The following NBEA variants were observed in gnomAD, a reference collection of about 807,000 sequenced individuals.
NBEA encodes lysosomal-trafficking regulator 2.
NBEA carries 44 observed loss-of-function variants against 343.4 expected under a neutral mutation model. That is an observed-to-expected ratio of 0.13 (90% CI 0.10 to 0.16). The LOEUF (loss-of-function observed/expected upper bound fraction) is 0.16, where lower values mean the gene tolerates loss of function less well. Among genes scored for constraint, NBEA ranks in the 10% least tolerant of loss-of-function variants. The probability of loss-of-function intolerance (pLI) is 1.00; values close to 1 mark genes in which losing one functional copy is unlikely to be tolerated. For synonymous variants in NBEA, 1,175 were observed against 1,238.7 expected (o/e 0.95, Z 1.08); for missense variants, 2,555 against 3,631.3 (o/e 0.70, Z 7.62).
At chr13:35,457,110 A>G (rs1020929312) in intron 40 of NBEA, among the ~76,000 whole-genome samples, 4 of 151,976 alleles carry the variant, frequency 2.6e-5, no homozygotes, top group Non-Finnish European at 5.9e-5. Flanking sequence ...TTCACCTGCA[A>G]TATCCTTCCT....
At chr13:35,205,054 G>T (rs2073293504) in intron 31 of NBEA, among the ~76,000 whole-genome samples, 1 of 152,114 alleles carries the variant, frequency 6.6e-6, no homozygotes, top group South Asian at 2.1e-4. Flanking sequence ...ACACATACTG[G>T]TTAGTGTGGA....
chr13:35,606,402 A>G lies in NBEA; in HGVS notation c.7297-24A>G, dbSNP rs373628822. 95 of 1,373,574 alleles carry G rather than the reference A, an allele frequency of 6.9e-5. No individual in the cohort carries two copies. The Middle Eastern group carries it at 9.4e-4, about 14-fold the overall frequency. The allele number at this position is 1,373,574 out of a possible 1,614,324, so 85.1% of individuals were successfully genotyped here. ...ACTGATTTTTATAAAGTGGTTTAAT[A>G]TGCTTCATTTTTATTCCTGATAGGA... On this transcript the variant is annotated intron_variant, in intron 47 of 58. Transcript: ENST00000379939.
At chr13:35,370,946 A>G (rs1235392261) in intron 38 of NBEA, among the ~76,000 whole-genome samples, 3 of 151,838 alleles carry the variant, frequency 2.0e-5, no homozygotes, top group Non-Finnish European at 2.9e-5. Flanking sequence ...CTCATTCTCC[A>G]CTAGCCTATA....
intron 34 of NBEA, among the ~76,000 whole-genome samples, chr13:35,280,228 A>T (rs1171876085): frequency 6.6e-6 from 1 of 152,152 alleles, no homozygotes; most frequent in African/African-American, 2.4e-5. Flanking sequence ...AAGATTATAT[A>T]GGTAATTTCA....
intron 13 of NBEA, among the ~76,000 whole-genome samples, chr13:35,114,715 A>G (rs568321868): frequency 3.9e-5 from 6 of 152,284 alleles, no homozygotes; most frequent in Admixed American, 3.3e-4. Flanking sequence ...ACCAGTACAT[A>G]TATTTTAAAT....
In NBEA at chr13:35,058,845, G is replaced by A. The variant is rs372196528; in HGVS notation, c.1221G>A (p.Gln407=). Residue 407 remains glutamine, a synonymous_variant, in exon 8 of 59, where the codon CAG becomes CAA. Coordinates refer to ENST00000379939, the MANE Select transcript of NBEA (RefSeq NM_001385012.1). The stretch of plus-strand genomic sequence containing the variant: ...CAGCACAGATATTTGCAATTCATCA[G>A]TTAGGACCTGGATATAAGGTAGTAA... ...LNPAQIFAIH[Q]LGPGYKSTFK... 3.7e-6 allele frequency: 6 copies of A among 1,605,650 alleles called. No individual in the cohort carries two copies. The African/African-American group carries it at 8.0e-5, about 21-fold the overall frequency.
At chr13:35,165,222 T>C in intron 24 of NBEA, 1 of 457,940 alleles carries the variant, frequency 2.2e-6, no homozygotes, top group South Asian at 1.6e-5. Context: ...TCTCTAAGTG[T>C]ATTTCATCAT....
intron 33 of NBEA, among the ~76,000 whole-genome samples, chr13:35,216,235 C>T (rs946562728): frequency 1.3e-5 from 2 of 151,262 alleles, no homozygotes; most frequent in African/African-American, 4.8e-5. Context: ...TTGCTTTTTT[C>T]TTCCCATATC....
intron 1 of NBEA, among the ~76,000 whole-genome samples, chr13:34,963,228 G>A (rs541978679): frequency 1.9e-4 from 29 of 152,074 alleles, no homozygotes; most frequent in African/African-American, 5.1e-4. Flanking sequence ...TCTAGTGGCC[G>A]CAGGACTGGT....
chr13:35,013,335 A>G (rs2061547396), intron 1 of NBEA, among the ~76,000 whole-genome samples: 1 of 152,230 alleles, frequency 6.6e-6, no homozygotes, highest in Non-Finnish European at 1.5e-5. Flanking sequence ...TCATTTTACA[A>G]AATTTGTGGA....
At chr13:35,670,250 G>T (rs562807328) in intron 58 of NBEA, among the ~76,000 whole-genome samples, 1 of 152,280 alleles carries the variant, frequency 6.6e-6, no homozygotes, top group South Asian at 2.1e-4. Context: ...AGAAGCCTCA[G>T]AGCTGAACAG....
intron 36 of NBEA, among the ~76,000 whole-genome samples, chr13:35,310,920 G>A (rs1010404467): frequency 1.3e-5 from 2 of 151,950 alleles, no homozygotes; most frequent in African/African-American, 2.4e-5. Flanking sequence ...ATATCACTTA[G>A]TATTCATTTT....
chr13:35,467,343 G>T (rs891224888), intron 40 of NBEA, among the ~76,000 whole-genome samples: 2 of 152,008 alleles, frequency 1.3e-5, no homozygotes, highest in Non-Finnish European at 2.9e-5. Flanking sequence ...ATGGTGGTAT[G>T]CACCTGTAAT....
intron 30 of NBEA, among the ~76,000 whole-genome samples, chr13:35,194,552 A>C (rs960784833): frequency 6.6e-6 from 1 of 152,166 alleles, no homozygotes; most frequent in Non-Finnish European, 1.5e-5. Flanking sequence ...TGCAAGTTTA[A>C]GCAATACAAA....
At chr13:35,514,422 T>C (rs1050168075) in intron 41 of NBEA, among the ~76,000 whole-genome samples, 2 of 152,134 alleles carry the variant, frequency 1.3e-5, no homozygotes, top group Non-Finnish European at 2.9e-5. Flanking sequence ...GCCGACCAGC[T>C]TGTCATGTGT....
At chr13:35,649,615 C>G in intron 51 of NBEA, 40 bp from the exon 52 acceptor site, 1 of 1,529,380 alleles carries the variant, frequency 6.5e-7, no homozygotes, top group Non-Finnish European at 9.1e-7. Context: ...TATGTTATTC[C>G]TTTTGTCTTC....
At chr13:35,366,441 T>C (rs2041118196) in intron 38 of NBEA, among the ~76,000 whole-genome samples, 1 of 151,302 alleles carries the variant, frequency 6.6e-6, no homozygotes. Context: ...ACAAGTAATA[T>C]GCATATTATG....
chr13:35,254,257 TA>T (rs1392365102), intron 34 of NBEA, among the ~76,000 whole-genome samples: 1 of 151,670 alleles, frequency 6.6e-6, no homozygotes, highest in Non-Finnish European at 1.5e-5. Flanking sequence ...ATAAAATGCT[TA>T]AAAAATTAAA....
intron 1 of NBEA, among the ~76,000 whole-genome samples, chr13:35,004,970 A>G (rs1254037775): frequency 6.6e-6 from 1 of 152,146 alleles, no homozygotes; most frequent in East Asian, 1.9e-4. Context: ...TTTTATGATG[A>G]CAGTATTTTG....
Sources: allele counts gnomAD v4.1 joint callset (sites outside exome capture counted in the v4.1 genomes callset), GRCh38; gene constraint gnomAD v4.1.1; transcripts MANE v1.5; gene names NCBI Gene and HGNC (gene_info 2026-07-23, HGNC 2026-07-21).